The following FARS2 variants were observed in gnomAD, a reference collection of about 807,000 sequenced individuals.
The protein encoded by FARS2 is phenylalanine--tRNA ligase, mitochondrial.
Under a neutral mutation model 46.4 loss-of-function variants are expected in FARS2, and 40 were observed. The observed-to-expected ratio is 0.86, with a 90% CI of 0.67 to 1.12. FARS2 has a LOEUF of 1.12. Ranked by LOEUF, FARS2 falls within the 50% of genes most tolerant of loss-of-function variation. The pLI, the probability that FARS2 is intolerant of heterozygous loss-of-function variation, is 0.00. For synonymous variants in FARS2, 234 were observed against 214.9 expected, an observed-to-expected ratio of 1.09 and a Z score of -0.78; for missense variants, 513 against 567.9, an observed-to-expected ratio of 0.90 and a Z score of 0.98.
In FARS2 at chr6:5,731,550, G is replaced by A. The variant is rs147475951; in HGVS notation, c.1218-39741G>A. ...AGCACTTTTCACACACCGGAGTATG[G>A]TTTTTAATGAACAGTTTTATTCTGT... On this transcript the variant is annotated intron_variant, in intron 6 of 6. Transcript: ENST00000274680. Among the ~76,000 whole-genome samples the A allele has an allele frequency of 5.9e-5, 9 of 152,248 alleles. No individual in the cohort carries two copies. The East Asian group carries it at 1.7e-3, about 29-fold the overall frequency.
rs1252436546 is a variant in FARS2 at position 5,692,771 on chromosome 6, G to T, written c.1218-78520G>T. On this transcript the variant is annotated intron_variant, in intron 6 of 6. Coordinates refer to ENST00000274680, the MANE Select transcript of FARS2 (RefSeq NM_006567.5). ...TGAATTTGTAACCTGTGAACATGTG[G>T]GATATGATGTGTGTGCGTCACTATT... Among the ~76,000 whole-genome samples the T allele has an allele frequency of 3.9e-5, 6 of 152,128 alleles. 1 individual carries two copies. The South Asian group carries it at 1.2e-3, about 32-fold the overall frequency.
chr6:5,626,699 G>A (rs1776049833), intron 6 of FARS2, among the ~76,000 whole-genome samples: 1 of 152,188 alleles, frequency 6.6e-6, no homozygotes, highest in Non-Finnish European at 1.5e-5. Flanking sequence ...TTCCATGGGA[G>A]CACAGTTCAG....
At chr6:5,585,256 T>A (rs1030807589) in intron 5 of FARS2, among the ~76,000 whole-genome samples, 1 of 152,226 alleles carries the variant, frequency 6.6e-6, no homozygotes, top group African/African-American at 2.4e-5. Context: ...TAATGATTAC[T>A]ACAATCAAAT....
intron 1 of FARS2, among the ~76,000 whole-genome samples, chr6:5,285,343 A>C (rs139974597): frequency 1.1e-4 from 17 of 152,248 alleles, no homozygotes; most frequent in Non-Finnish European, 1.9e-4. Context: ...AGAGAGACTG[A>C]TGGGGGAACA....
At chr6:5,351,617 G>A (rs756098277) in intron 1 of FARS2, among the ~76,000 whole-genome samples, 1 of 152,088 alleles carries the variant, frequency 6.6e-6, no homozygotes, top group Non-Finnish European at 1.5e-5. Context: ...GCAGGGTGGG[G>A]GAAATCAGAT....
At chr6:5,411,383 T>G (rs1370989793) in intron 3 of FARS2, among the ~76,000 whole-genome samples, 1 of 152,238 alleles carries the variant, frequency 6.6e-6, no homozygotes, top group Non-Finnish European at 1.5e-5. Flanking sequence ...TCCCATTCAG[T>G]GCCTCCTGGT....
At chr6:5,599,433 G>A (rs1013575972) in intron 5 of FARS2, among the ~76,000 whole-genome samples, 8 of 152,136 alleles carry the variant, frequency 5.3e-5, no homozygotes, top group East Asian at 1.9e-4. Context: ...CGGTAATGCC[G>A]CCTCCAGAAA....
intron 6 of FARS2, among the ~76,000 whole-genome samples, chr6:5,696,176 A>G (rs1411317752): frequency 1.3e-5 from 2 of 152,238 alleles, no homozygotes; most frequent in African/African-American, 2.4e-5. Flanking sequence ...TTGACTCAGC[A>G]TTTATTTATT....
chr6:5,262,697 A>AT (rs781630115), intron 1 of FARS2, among the ~76,000 whole-genome samples: 1 of 152,334 alleles, frequency 6.6e-6, no homozygotes, highest in Non-Finnish European at 1.5e-5. Flanking sequence ...ATGCAATGAC[A>AT]TTTTTTAAAA....
At chr6:5,492,399 A>G (rs1767176681) in intron 4 of FARS2, among the ~76,000 whole-genome samples, 1 of 152,248 alleles carries the variant, frequency 6.6e-6, no homozygotes, top group Non-Finnish European at 1.5e-5. Flanking sequence ...CTAGCTCAAG[A>G]GATGAGTTAA....
intron 6 of FARS2, among the ~76,000 whole-genome samples, chr6:5,615,873 C>T (rs138142946): frequency 3.3e-5 from 5 of 152,006 alleles, no homozygotes; most frequent in African/African-American, 9.7e-5. Context: ...CATGACTCAT[C>T]TCTTCGATTT....
chr6:5,672,695 C>A (rs1778540834), intron 6 of FARS2, among the ~76,000 whole-genome samples: 1 of 152,124 alleles, frequency 6.6e-6, no homozygotes, highest in Non-Finnish European at 1.5e-5. Context: ...TCTGAAGTTT[C>A]ATTGTAGCTG....
At chr6:5,716,830 G>A (rs1759523529) in intron 6 of FARS2, among the ~76,000 whole-genome samples, 3 of 152,230 alleles carry the variant, frequency 2.0e-5, no homozygotes, top group South Asian at 2.1e-4. Flanking sequence ...GGGGAATGGA[G>A]CTTCCATGCC....
intron 6 of FARS2, among the ~76,000 whole-genome samples, chr6:5,761,848 C>T (rs926841557): frequency 4.0e-5 from 6 of 149,368 alleles, no homozygotes; most frequent in Non-Finnish European, 8.9e-5. Context: ...GTATACAATG[C>T]AAGGTATCTT....
chr6:5,694,155 T>C (rs1359129169), intron 6 of FARS2, among the ~76,000 whole-genome samples: 1 of 152,232 alleles, frequency 6.6e-6, no homozygotes, highest in Admixed American at 6.5e-5. Context: ...AGTTCTCTGG[T>C]GAAAACACAT....
chr6:5,404,594 C>T lies in FARS2; in HGVS notation c.665C>T (p.Ser222Phe). 2 of 1,611,210 alleles carry T rather than the reference C, an allele frequency of 1.2e-6. No individual in the cohort carries two copies. The highest frequency in any genetic ancestry group is 1.7e-6 in the Non-Finnish European group (2 of 1,178,368). Reference sequence around the variant, plus strand: ...AGCCTGCAGCTCTTTGAACAAAGTTCTCGCTCTGCGCATAAACAAGAGACA... The same window carrying T: ...AGCCTGCAGCTCTTTGAACAAAGTTTTCGCTCTGCGCATAAACAAGAGACA... ...GESLQLFEQS[S>F]RSAHKQETHT... The change falls in exon 3 of 7, where the codon TCT becomes TTT. Residue 222 changes from serine to phenylalanine, a missense_variant. Physicochemically the swap from Ser to Phe is radical, Grantham distance 155. Coordinates refer to ENST00000274680, the MANE Select transcript of FARS2 (RefSeq NM_006567.5).
At chr6:5,600,853 G>C (rs1410878690) in intron 5 of FARS2, among the ~76,000 whole-genome samples, 2 of 152,214 alleles carry the variant, frequency 1.3e-5, no homozygotes, top group East Asian at 1.9e-4. Context: ...TCTGGAAACA[G>C]TAGTAGAAAC....
intron 6 of FARS2, among the ~76,000 whole-genome samples, chr6:5,672,090 A>G (rs1266806062): frequency 1.3e-5 from 2 of 152,244 alleles, no homozygotes; most frequent in African/African-American, 2.4e-5. Flanking sequence ...GTAGATGAAC[A>G]CAGGAATCAG....
chr6:5,710,811 A>C (rs574461286), intron 6 of FARS2, among the ~76,000 whole-genome samples: 209 of 151,674 alleles, frequency 1.4e-3, no homozygotes, highest in Non-Finnish European at 2.3e-3. Flanking sequence ...TGCGGAAAAA[A>C]CTCCAGAAAG....
Sources: gnomAD v4.1 joint callset for allele counts (sites outside exome capture counted in the v4.1 genomes callset) on GRCh38, gnomAD v4.1.1 for gene constraint, MANE v1.5 for transcripts, NCBI Gene and HGNC (gene_info 2026-07-23, HGNC 2026-07-21) for gene names.